PODXL: variants seen among roughly 807,000 people sequenced by gnomAD.
PODXL encodes the protein podocalyxin.
PODXL carries 20 observed loss-of-function variants against 48.9 expected under a neutral mutation model. That is an observed-to-expected ratio of 0.41 (90% CI 0.29 to 0.59). The LOEUF is 0.59. PODXL is among the 20% of genes least tolerant of loss of function. The probability of loss-of-function intolerance (pLI) is 0.31; values close to 1 mark genes in which losing one functional copy is unlikely to be tolerated. For missense variants in PODXL, 606 were observed against 675.1 expected (o/e 0.90, Z 1.13); for synonymous variants, 295 against 287.4 (o/e 1.03, Z -0.27).
Position 131,506,309 on chromosome 7 carries a change from G to T in PODXL, c.1262C>A (p.Ala421Asp). The T allele has an allele frequency of 6.2e-7, 1 of 1,614,176 alleles. No individual in the cohort carries two copies. The highest frequency in any genetic ancestry group is 1.1e-5 in the South Asian group (1 of 91,084). ...KEITIHTKLP[A>D]KDVYERLKDK... ...CTTCAGCCGCTCGTACACATCCTTG[G>T]CAGGGAGCTTAGCTGTGGGAGAGGG... Residue 421 changes from alanine (A) to aspartate (D), a missense_variant, in exon 7 of 9, where the codon GCC (alanine) becomes GAC (aspartate). Transcript: ENST00000378555.
intron 1 of PODXL, among the ~76,000 whole-genome samples, chr7:131,533,816 C>A (rs1030165409): frequency 2.6e-5 from 4 of 152,220 alleles, no homozygotes; most frequent in South Asian, 2.1e-4. Flanking sequence ...GAGCCCGACA[C>A]CCGGCTTCCA....
chr7:131,515,624 AACT>A (rs1220680379), intron 1 of PODXL, among the ~76,000 whole-genome samples: 7 of 152,158 alleles, frequency 4.6e-5, no homozygotes, highest in African/African-American at 1.4e-4. Flanking sequence ...GCTGGTCTCG[AACT>A]ACTGACCTCA....
rs1663722329 is a variant in PODXL, at chr7:131,511,368, T to G, written c.166A>C (p.Met56Leu). The stretch of plus-strand genomic sequence containing the variant: ...CTCTGCTGGGCTGTATCTGTAGCCA[T>G]GATGGTGACACTGGATGCTGGAGTC... ...APTPASSVTI[M>L]ATDTAQQSTV... Residue 56 changes from methionine to leucine, a missense_variant, in exon 2 of 9, where the codon ATG becomes CTG. Coordinates refer to ENST00000378555, the MANE Select transcript of PODXL (RefSeq NM_001018111.3). The G allele has an allele frequency of 6.2e-7, 1 of 1,609,296 alleles. No homozygotes were observed. Among genetic ancestry groups the G allele is most frequent in the Non-Finnish European group, 8.5e-7 (1 of 1,179,952 alleles).
At chr7:131,526,239 C>G (rs1330800675) in intron 1 of PODXL, among the ~76,000 whole-genome samples, 1 of 152,066 alleles carries the variant, frequency 6.6e-6, no homozygotes, top group African/African-American at 2.4e-5. Flanking sequence ...AAGAGGAAGG[C>G]AAGTTCAGCC....
At chr7:131,523,678 CAAAAAAAAAAA>C (rs753654977) in intron 1 of PODXL, among the ~76,000 whole-genome samples, 20 of 61,942 alleles carry the variant, frequency 3.2e-4, no homozygotes, top group African/African-American at 1.6e-3. Flanking sequence ...GAATCCGTCT[CAAAAAAAAAAA>C]AAAAAAAAAA....
chr7:131,505,784 C>A (rs982948438), intron 8 of PODXL, 84 bp downstream of exon 8: 32 of 1,357,496 alleles, frequency 2.4e-5, no homozygotes, highest in Non-Finnish European at 2.9e-5. Flanking sequence ...TCCCTTTCCT[C>A]TTCTGCAACT....
At chr7:131,524,563 G>A (rs868664098) in intron 1 of PODXL, among the ~76,000 whole-genome samples, 8 of 152,234 alleles carry the variant, frequency 5.3e-5, no homozygotes, top group Middle Eastern at 6.8e-3. Flanking sequence ...AAGCTCCAAT[G>A]CAGCACCATT....
At chr7:131,525,884 A>C (rs1798177330) in intron 1 of PODXL, among the ~76,000 whole-genome samples, 1 of 152,192 alleles carries the variant, frequency 6.6e-6, no homozygotes, top group Non-Finnish European at 1.5e-5. Context: ...GGTGGGGAGG[A>C]GGCTAGCCCT....
intron 1 of PODXL, among the ~76,000 whole-genome samples, chr7:131,553,201 C>T (rs1479782368): frequency 6.6e-6 from 1 of 152,178 alleles, no homozygotes; most frequent in Non-Finnish European, 1.5e-5. Context: ...CCCCTACACA[C>T]TACAATTCAT....
chr7:131,529,669 G>A (rs989992086), intron 1 of PODXL, among the ~76,000 whole-genome samples: 1 of 151,898 alleles, frequency 6.6e-6, no homozygotes, highest in African/African-American at 2.4e-5. Context: ...TGTGTTCCTC[G>A]ATTGGTGTGC....
At chr7:131,553,415 A>T (rs1459232149) in intron 1 of PODXL, among the ~76,000 whole-genome samples, 2 of 152,120 alleles carry the variant, frequency 1.3e-5, no homozygotes, top group Non-Finnish European at 2.9e-5. Flanking sequence ...ACCCACAAAC[A>T]TTGGCAGGAT....
intron 1 of PODXL, among the ~76,000 whole-genome samples, chr7:131,538,414 G>T (rs990878482): frequency 1.3e-5 from 2 of 152,108 alleles, no homozygotes; most frequent in Admixed American, 6.6e-5. Flanking sequence ...GGAGCACAGG[G>T]TTCAATGACC....
At chr7:131,546,268 G>A (rs1461363606) in intron 1 of PODXL, among the ~76,000 whole-genome samples, 3 of 152,162 alleles carry the variant, frequency 2.0e-5, no homozygotes, top group Admixed American at 1.3e-4. Flanking sequence ...GGATCCCAGG[G>A]CTAGGAGGGA....
At chr7:131,541,672 C>CAAA (rs35142409) in intron 1 of PODXL, among the ~76,000 whole-genome samples, 2 of 95,680 alleles carry the variant, frequency 2.1e-5, no homozygotes, top group African/African-American at 6.5e-5. Context: ...GACTCCGTCT[C>CAAA]AAAAAAAAAA....
intron 1 of PODXL, among the ~76,000 whole-genome samples, chr7:131,538,101 C>G (rs1228866940): frequency 1.3e-5 from 2 of 152,160 alleles, no homozygotes; most frequent in Admixed American, 1.3e-4. Context: ...GCACAGGGCC[C>G]ACTGTGGCCC....
Position 131,501,101 on chromosome 7 carries a change from A to G in PODXL, c.*3210T>C, listed in dbSNP as rs1797693184. On this transcript the variant is annotated 3_prime_UTR_variant, in exon 9 of 9. Coordinates refer to ENST00000378555, the MANE Select transcript of PODXL (RefSeq NM_001018111.3). ...GGGAGGGGGCAGGGTTGCATTTTAA[A>G]ATTAAAAAAACAAAACAAAACACCT... The G allele has an allele frequency of 6.6e-6, 1 of 152,660 alleles. No individual in the cohort carries two copies. Among genetic ancestry groups the G allele is most frequent in the South Asian group, 2.1e-4 (1 of 4,826 alleles). 9.5% of individuals were successfully genotyped at this position (152,660 alleles called of 1,614,324 possible).
intron 1 of PODXL, among the ~76,000 whole-genome samples, chr7:131,532,126 C>CA (rs1798289967): frequency 7.3e-6 from 1 of 137,046 alleles, no homozygotes; most frequent in Admixed American, 7.5e-5. Context: ...TAATAATAAT[C>CA]ATCATCATCA....
At chr7:131,513,757 C>T (rs530550206) in intron 1 of PODXL, among the ~76,000 whole-genome samples, 6 of 152,352 alleles carry the variant, frequency 3.9e-5, no homozygotes, top group Admixed American at 3.3e-4. Flanking sequence ...CCTGAATCTA[C>T]AGCCTGGCTT....
intron 1 of PODXL, among the ~76,000 whole-genome samples, chr7:131,534,653 T>C (rs1451450581): frequency 6.6e-6 from 1 of 152,222 alleles, no homozygotes; most frequent in African/African-American, 2.4e-5. Flanking sequence ...CACTTCTGCC[T>C]CCTTCCCTTG....
Sources: gnomAD v4.1 joint callset for allele counts (sites outside exome capture counted in the v4.1 genomes callset) on GRCh38, gnomAD v4.1.1 for gene constraint, MANE v1.5 for transcripts, NCBI Gene and HGNC (gene_info 2026-07-23, HGNC 2026-07-21) for gene names.